PTPRA: variants seen among roughly 807,000 people sequenced by gnomAD.
PTPRA encodes receptor-type tyrosine-protein phosphatase alpha.
PTPRA carries 25 observed loss-of-function variants against 104.8 expected under a neutral mutation model. The observed-to-expected ratio is 0.24, with a 90% CI of 0.17 to 0.33. PTPRA has a LOEUF of 0.33. PTPRA is among the 10% of genes least tolerant of loss of function. The pLI, the probability that PTPRA is intolerant of heterozygous loss-of-function variation, is 1.00. For missense variants in PTPRA, 765 were observed against 1,015.3 expected, an observed-to-expected ratio of 0.75 and a Z score of 3.35; for synonymous variants, 323 against 368.9, an observed-to-expected ratio of 0.88 and a Z score of 1.43.
chr20:2,920,416 C>A (rs2060057678), intron 1 of PTPRA, among the ~76,000 whole-genome samples: 1 of 152,092 alleles, frequency 6.6e-6, no homozygotes, highest in Non-Finnish European at 1.5e-5. Context: ...TTCCAGGAAC[C>A]CAACCCCAAC....
chr20:2,952,763 C>T (rs2061396037), intron 3 of PTPRA, among the ~76,000 whole-genome samples: 1 of 152,146 alleles, frequency 6.6e-6, no homozygotes, highest in Non-Finnish European at 1.5e-5. Context: ...GTTCTGTTTT[C>T]CTTCTCTATG....
At chr20:3,034,264 C>A (rs2065685579) in intron 20 of PTPRA, among the ~76,000 whole-genome samples, 1 of 151,542 alleles carries the variant, frequency 6.6e-6, no homozygotes, top group Non-Finnish European at 1.5e-5. Context: ...GAGCAAGACT[C>A]TCTCAAAAAA....
At chr20:2,881,646 TCTGGGACTACACATGTGAACCA>T (rs2146832678) in intron 1 of PTPRA, among the ~76,000 whole-genome samples, 1 of 152,176 alleles carries the variant, frequency 6.6e-6, no homozygotes, top group African/African-American at 2.4e-5. Flanking sequence ...CTTCCAAAGC[TCTGGGACTACACATGTGAACCA>T]CCATGCCTGG....
intron 1 of PTPRA, among the ~76,000 whole-genome samples, chr20:2,908,488 C>T (rs2059507556): frequency 6.6e-6 from 1 of 152,152 alleles, no homozygotes; most frequent in Non-Finnish European, 1.5e-5. Context: ...TTGGTATCCA[C>T]GGTTGATCCA....
chr20:2,892,763 T>C (rs1030297672), intron 1 of PTPRA, among the ~76,000 whole-genome samples: 9 of 152,180 alleles, frequency 5.9e-5, no homozygotes, highest in Non-Finnish European at 8.8e-5. Context: ...TATAGCCCCA[T>C]TGTAGGGCAA....
At chr20:2,988,546 T>C in intron 9 of PTPRA, 72 bp downstream of exon 9, 2 of 1,556,858 alleles carry the variant, frequency 1.3e-6, no homozygotes, top group Non-Finnish European at 1.7e-6. Flanking sequence ...TTCAGATCTT[T>C]GGAGTCATGA....
intron 9 of PTPRA, among the ~76,000 whole-genome samples, chr20:2,995,907 G>A (rs1459320726): frequency 6.6e-6 from 1 of 152,144 alleles, no homozygotes; most frequent in African/African-American, 2.4e-5. Flanking sequence ...TTTACCACCA[G>A]CTTGAACACA....
At chr20:2,873,314 G>A (rs1051112354), upstream of PTPRA, 9 of 152,200 alleles carry the variant, frequency 5.9e-5, no homozygotes, top group African/African-American at 2.2e-4. The surrounding 1 kb of genome is among the most constrained non-coding windows in gnomAD (Gnocchi z 4.4). Context: ...GAACCCCTCT[G>A]GAGCTACCAG....
At chr20:3,015,971 T>A in intron 12 of PTPRA, 86 bp downstream of exon 12, 1 of 1,288,436 alleles carries the variant, frequency 7.8e-7, no homozygotes, top group Non-Finnish European at 1.1e-6. Flanking sequence ...CTGAGTGGAT[T>A]AACCAGAATG....
chr20:2,932,282 A>C (rs1227034957), intron 2 of PTPRA, among the ~76,000 whole-genome samples: 1 of 152,196 alleles, frequency 6.6e-6, no homozygotes. Context: ...TTGTTAAGGG[A>C]GAATGAAGGA....
chr20:2,943,415 C>G (rs1351860461), intron 2 of PTPRA, among the ~76,000 whole-genome samples: 1 of 152,056 alleles, frequency 6.6e-6, no homozygotes, highest in Non-Finnish European at 1.5e-5. Flanking sequence ...TTCCCTCTTG[C>G]GTGGGGAAGG....
chr20:2,892,952 G>T (rs1217494384), intron 1 of PTPRA, among the ~76,000 whole-genome samples: 1 of 152,214 alleles, frequency 6.6e-6, no homozygotes, highest in Non-Finnish European at 1.5e-5. Context: ...TCAGAAGGAA[G>T]CCAGCATTAA....
chr20:2,900,137 T>A (rs896628880), intron 1 of PTPRA, among the ~76,000 whole-genome samples: 1 of 83,358 alleles, frequency 1.2e-5, no homozygotes, highest in Non-Finnish European at 2.1e-5. Context: ...AAACGAAAAA[T>A]CTGCCTCCTT....
intron 1 of PTPRA, among the ~76,000 whole-genome samples, chr20:2,887,625 G>T (rs920825541): frequency 5.3e-5 from 8 of 152,202 alleles, no homozygotes; most frequent in Non-Finnish European, 5.9e-5. Flanking sequence ...AATTGTGCAA[G>T]TAGTTCTTAA....
intron 2 of PTPRA, among the ~76,000 whole-genome samples, chr20:2,940,493 T>TG (rs2060871184): frequency 6.6e-6 from 1 of 152,188 alleles, no homozygotes; most frequent in African/African-American, 2.4e-5. Flanking sequence ...GAACAAGGAT[T>TG]GGCAAACTAT....
Position 2,890,978 on chromosome 20 carries a change from A to G in PTPRA, c.-129+17218A>G, listed in dbSNP as rs577666166. Among the ~76,000 whole-genome samples the G allele has an allele frequency of 3.9e-5, 6 of 152,288 alleles. No homozygotes were observed. In the South Asian group the frequency reaches 1.2e-3, roughly 32 times the overall value. On this transcript the variant is annotated intron_variant, in intron 1 of 23. Coordinates refer to ENST00000399903, the MANE Select transcript of PTPRA (RefSeq NM_001385305.1). Reference sequence around the variant, plus strand: ...ACAGCCTACTGGTCTCCATTGGGCTATCTCCCAGGTACCTATAACAGTCTC... The same window carrying G: ...ACAGCCTACTGGTCTCCATTGGGCTGTCTCCCAGGTACCTATAACAGTCTC...
intron 1 of PTPRA, among the ~76,000 whole-genome samples, chr20:2,898,458 C>T (rs1414331882): frequency 6.6e-6 from 1 of 151,776 alleles, no homozygotes; most frequent in Non-Finnish European, 1.5e-5. Context: ...AGGTGATCCG[C>T]CCGCCTTGGC....
At chr20:2,906,860 C>T (rs2059444937) in intron 1 of PTPRA, among the ~76,000 whole-genome samples, 1 of 152,076 alleles carries the variant, frequency 6.6e-6, no homozygotes, top group Non-Finnish European at 1.5e-5. Flanking sequence ...TAACATTTAC[C>T]TTTTAGTATA....
Position 2,942,760 on chromosome 20 carries a change from A to G in PTPRA, c.-49-5222A>G, listed in dbSNP as rs1216822290. ...AATATAATTAATATATAATGTGGCT[A>G]CTACCTAGTAGAATTAATGTATACT... is the stretch of plus-strand genomic sequence containing the variant. On this transcript the variant is annotated intron_variant, in intron 2 of 23. Transcript: ENST00000399903. Among the ~76,000 whole-genome samples the G allele has an allele frequency of 2.6e-5, 4 of 151,022 alleles. No homozygotes were observed. The East Asian group carries it at 5.8e-4, about 22-fold the overall frequency.
Sources: allele counts gnomAD v4.1 joint callset (sites outside exome capture counted in the v4.1 genomes callset), GRCh38; gene constraint gnomAD v4.1.1; non-coding constraint Gnocchi (gnomAD v3.1); transcripts MANE v1.5; gene names NCBI Gene and HGNC (gene_info 2026-07-23, HGNC 2026-07-21).